ADCY1: variants seen among roughly 807,000 people sequenced by gnomAD.
ADCY1 encodes adenylate cyclase type 1.
A neutral mutation model predicts 105.4 loss-of-function variants in ADCY1; 28 were observed. The ratio of observed to expected loss-of-function variants is 0.27; its 90% CI spans 0.20 to 0.36. The LOEUF (loss-of-function observed/expected upper bound fraction) is 0.36, where lower values mean the gene tolerates loss of function less well. ADCY1 is among the 10% of genes least tolerant of loss of function. ADCY1 has a pLI of 1.00. For synonymous variants in ADCY1, 655 were observed against 623.8 expected (o/e 1.05, Z -0.75); for missense variants, 977 against 1,434.2 (o/e 0.68, Z 5.15).
intron 2 of ADCY1, among the ~76,000 whole-genome samples, chr7:45,598,076 T>C (rs967055412): frequency 6.6e-6 from 1 of 152,244 alleles, no homozygotes; most frequent in African/African-American, 2.4e-5. Flanking sequence ...ATGTTCTTTC[T>C]GAGTTGTCAG....
chr7:45,678,090 C>T, intron 9 of ADCY1, 27 bp downstream of exon 9: 1 of 1,613,810 alleles, frequency 6.2e-7, no homozygotes, highest in Non-Finnish European at 8.5e-7. Flanking sequence ...TTCGGCTTCC[C>T]TGGTGCTGCT....
rs1400423507 is a variant in ADCY1, at chr7:45,647,275, G to A, written c.1021-1395G>A. 6.6e-6 allele frequency among the ~76,000 whole-genome samples: 1 copy of A among 152,240 alleles called. No individual in the cohort carries two copies. Among genetic ancestry groups the A allele is most frequent in the Admixed American group, 6.5e-5 (1 of 15,284 alleles). On this transcript the variant is annotated intron_variant, in intron 4 of 19. Coordinates refer to ENST00000297323, the MANE Select transcript of ADCY1 (RefSeq NM_021116.4). The surrounding 1 kb of genome is among the most constrained non-coding windows in gnomAD (Gnocchi z 4.6). ...TGGGAACTGGGGCTCCCAGCGGTCG[G>A]TGTGGCCTGTCCCTGTCCTGACTCA...
chr7:45,666,761 C>G (rs2116147793), intron 8 of ADCY1, among the ~76,000 whole-genome samples: 1 of 152,292 alleles, frequency 6.6e-6, no homozygotes, highest in Admixed American at 6.5e-5. Context: ...AAAAGTGTTC[C>G]TATTTCTCCA....
intron 2 of ADCY1, among the ~76,000 whole-genome samples, chr7:45,604,290 C>G (rs1020917237): frequency 2.6e-5 from 4 of 152,136 alleles, no homozygotes; most frequent in Non-Finnish European, 5.9e-5. Context: ...AATATTTTCT[C>G]AAAACCTATA....
rs1172801750 is a variant in ADCY1 at position 45,711,636 on chromosome 7, TATATATATAC to T, written c.3057+986_3057+995del. On this transcript the variant is annotated intron_variant, in intron 19 of 19. Transcript: ENST00000297323. Reference sequence around the variant, plus strand: ...ATATATATATATATATATATATATATATATATATACACACACACACGTATGTATACACATA... The same window carrying T: ...ATATATATATATATATATATATATATACACACACACGTATGTATACACATA... Among the ~76,000 whole-genome samples, 106 of 22,716 alleles carry T rather than the reference TATATATATAC, an allele frequency of 4.7e-3. 4 individuals carry two copies. Among genetic ancestry groups the T allele is most frequent in the Non-Finnish European group, 7.1e-3 (61 of 8,576 alleles). The allele number at this position is 22,716 out of a possible 152,430, so 14.9% of individuals were successfully genotyped here.
rs1785456813 is a variant in ADCY1, at chr7:45,720,685, C to CT, written c.*6691dup. On this transcript the variant is annotated 3_prime_UTR_variant, in exon 20 of 20. Transcript: ENST00000297323. ...TACCCGTCACCAGATTCAATATGTT[C>CT]TATTAATACACCGATAACCACAGGG... 6.6e-6 allele frequency: 1 copy of CT among 152,110 alleles called. No homozygotes were observed. Among genetic ancestry groups the CT allele is most frequent in the Admixed American group, 6.6e-5 (1 of 15,266 alleles). The allele number at this position is 152,110 out of a possible 1,614,324, so 9.4% of individuals were successfully genotyped here.
chr7:45,612,849 C>G (rs1793627376), intron 3 of ADCY1, among the ~76,000 whole-genome samples: 2 of 152,188 alleles, frequency 1.3e-5, no homozygotes, highest in Non-Finnish European at 2.9e-5. Flanking sequence ...GATACCATAA[C>G]TTCCCCCTAC....
At position 45,717,420 on chromosome 7, in the gene ADCY1, G is replaced by A. The variant is rs755040786; in HGVS notation, c.*3425G>A. On this transcript the variant is annotated 3_prime_UTR_variant, in exon 20 of 20. Coordinates refer to ENST00000297323, the MANE Select transcript of ADCY1 (RefSeq NM_021116.4). ...CTTCCTTTTTATTTGTGGGAAAACT[G>A]TATTATATTGCCTTATTTATTTTTA... 4 of 152,668 alleles carry A rather than the reference G, an allele frequency of 2.6e-5. No individual in the cohort carries two copies. The highest frequency in any genetic ancestry group is 5.9e-5 in the Non-Finnish European group (4 of 68,020). The allele number at this position is 152,668 out of a possible 1,614,324, so 9.5% of individuals were successfully genotyped here. A position where few individuals can be genotyped will look rare whatever the true frequency, so the allele number is the denominator to read the frequency against.
intron 3 of ADCY1, among the ~76,000 whole-genome samples, chr7:45,618,606 T>C (rs1224184343): frequency 1.3e-5 from 2 of 152,166 alleles, no homozygotes; most frequent in Non-Finnish European, 2.9e-5. Flanking sequence ...CCAACAAGTA[T>C]ATGATAAAAT....
intron 4 of ADCY1, among the ~76,000 whole-genome samples, chr7:45,643,768 G>A (rs1371798840): frequency 6.6e-6 from 1 of 152,134 alleles, no homozygotes; most frequent in East Asian, 1.9e-4. Context: ...AGATGTTTGT[G>A]CTGGGTTTCC....
intron 4 of ADCY1, among the ~76,000 whole-genome samples, chr7:45,631,980 T>C (rs1025260229): frequency 1.3e-5 from 2 of 152,238 alleles, no homozygotes; most frequent in African/African-American, 2.4e-5. Context: ...GAGTTAATTT[T>C]TGTGTATGTT....
At chr7:45,693,720 G>A (rs1283143335) in intron 14 of ADCY1, among the ~76,000 whole-genome samples, 2 of 150,000 alleles carry the variant, frequency 1.3e-5, no homozygotes, top group African/African-American at 4.9e-5. Flanking sequence ...CAACCCAAAT[G>A]TCCAACAATG....
rs1785431789 is a variant in ADCY1 at position 45,719,681 on chromosome 7, CTG to C, written c.*5692_*5693del. On this transcript the variant is annotated 3_prime_UTR_variant, in exon 20 of 20. Coordinates refer to ENST00000297323, the MANE Select transcript of ADCY1 (RefSeq NM_021116.4). ...TTTCTGTCGTGTGTGTCATGCACAT[CTG>C]TGTGTTGCATAGCATAAGCCAAATG... The C allele has an allele frequency of 1.3e-5, 2 of 152,164 alleles. No individual in the cohort carries two copies. Among genetic ancestry groups the C allele is most frequent in the African/African-American group, 4.8e-5 (2 of 41,436 alleles). The allele number at this position is 152,164 out of a possible 1,614,324, so 9.4% of individuals were successfully genotyped here.
chr7:45,663,811 G>A (rs1795194330), intron 8 of ADCY1, among the ~76,000 whole-genome samples: 2 of 151,074 alleles, frequency 1.3e-5, no homozygotes, highest in Admixed American at 6.6e-5. Flanking sequence ...AGAGTGAGAC[G>A]GTGTCTCAAA....
chr7:45,609,707 C>G (rs1295954343), intron 2 of ADCY1, among the ~76,000 whole-genome samples: 5 of 152,092 alleles, frequency 3.3e-5, no homozygotes, highest in African/African-American at 1.2e-4. Flanking sequence ...GGGTTGGGGT[C>G]AGGGAACATC....
At chr7:45,634,150 T>C (rs1794335460) in intron 4 of ADCY1, among the ~76,000 whole-genome samples, 1 of 152,186 alleles carries the variant, frequency 6.6e-6, no homozygotes, top group Admixed American at 6.5e-5. Flanking sequence ...ACATACGTTT[T>C]CTACATAAAT....
chr7:45,707,169 A>C (rs1032026980), intron 17 of ADCY1, among the ~76,000 whole-genome samples: 2 of 152,198 alleles, frequency 1.3e-5, no homozygotes, highest in Non-Finnish European at 2.9e-5. Flanking sequence ...AGTTAGACAT[A>C]ATGTTACCAT....
At chr7:45,697,392 T>A (rs2116242258) in intron 14 of ADCY1, among the ~76,000 whole-genome samples, 1 of 150,264 alleles carries the variant, frequency 6.7e-6, no homozygotes, top group African/African-American at 2.4e-5. Flanking sequence ...TTACCTTTTT[T>A]TTTTTTTTTT....
At chr7:45,693,651 G>GT (rs1167997884) in intron 14 of ADCY1, among the ~76,000 whole-genome samples, 1 of 151,800 alleles carries the variant, frequency 6.6e-6, no homozygotes, top group Non-Finnish European at 1.5e-5. Flanking sequence ...TCTGATGGTA[G>GT]TTTAACATGC....
Sources: allele counts gnomAD v4.1 joint callset (sites outside exome capture counted in the v4.1 genomes callset), GRCh38; gene constraint gnomAD v4.1.1; non-coding constraint Gnocchi (gnomAD v3.1); transcripts MANE v1.5; gene names NCBI Gene and HGNC (gene_info 2026-07-23, HGNC 2026-07-21).